Variants in ADGRB3 observed in about 807,000 individuals in gnomAD.
ADGRB3 encodes the protein brain-specific angiogenesis inhibitor 3.
Under a neutral mutation model 193.4 loss-of-function variants are expected in ADGRB3, and 37 were observed. That is an observed-to-expected ratio of 0.19 (90% CI 0.15 to 0.25). The LOEUF is 0.25. Among genes scored for constraint, ADGRB3 ranks in the 10% least tolerant of loss-of-function variants. The pLI is 1.00. For synonymous variants in ADGRB3, 690 were observed against 644.2 expected (o/e 1.07, Z -1.08); for missense variants, 1,637 against 1,852.9 (o/e 0.88, Z 2.14).
chr6:69,100,984 A>G (rs1201103616), intron 17 of ADGRB3, among the ~76,000 whole-genome samples: 1 of 85,700 alleles, frequency 1.2e-5, no homozygotes, highest in African/African-American at 4.7e-5. Context: ...GGAAGGAAGG[A>G]AGGAAGGAAG....
chr6:68,941,913 GACTT>G (rs1295460618), intron 5 of ADGRB3, among the ~76,000 whole-genome samples: 1 of 148,954 alleles, frequency 6.7e-6, no homozygotes, highest in Non-Finnish European at 1.5e-5. Flanking sequence ...GCTAAATATA[GACTT>G]ACTTTTATAT....
At chr6:68,929,685 G>C (rs1242559189) in intron 3 of ADGRB3, among the ~76,000 whole-genome samples, 1 of 152,108 alleles carries the variant, frequency 6.6e-6, no homozygotes, top group Non-Finnish European at 1.5e-5. Context: ...TCTGATTTTA[G>C]TAAAACCACT....
chr6:68,892,209 A>G (rs996528028), intron 3 of ADGRB3, among the ~76,000 whole-genome samples: 3 of 152,148 alleles, frequency 2.0e-5, no homozygotes, highest in South Asian at 2.1e-4. Flanking sequence ...ATAGTTTGGA[A>G]CATCTCCTTC....
chr6:69,309,959 C>T (rs1242732912), intron 20 of ADGRB3, among the ~76,000 whole-genome samples: 1 of 151,632 alleles, frequency 6.6e-6, no homozygotes, highest in African/African-American at 2.4e-5. Context: ...TCCCTTCCTT[C>T]TCCACCCTTC....
Position 69,178,828 on chromosome 6 carries a change from G to A in ADGRB3, c.2481-54462G>A, listed in dbSNP as rs552620728. ...TCATCTGACAAGTCTAGAGCCTAAT[G>A]AGATTTCCTTTGTAAGTGATCTGAC... On this transcript the variant is annotated intron_variant, in intron 17 of 31. Coordinates refer to ENST00000370598, the MANE Select transcript of ADGRB3 (RefSeq NM_001704.3). Among the ~76,000 whole-genome samples, 11 of 152,300 alleles carry A rather than the reference G, an allele frequency of 7.2e-5. No individual in the cohort carries two copies. In the South Asian group the frequency reaches 2.1e-3, roughly 29 times the overall value.
intron 6 of ADGRB3, among the ~76,000 whole-genome samples, chr6:68,949,259 T>C (rs1767852746): frequency 6.6e-6 from 1 of 152,094 alleles, no homozygotes; most frequent in Admixed American, 6.6e-5. Flanking sequence ...TCATACAAGC[T>C]GTGTCAGTCT....
intron 3 of ADGRB3, among the ~76,000 whole-genome samples, chr6:68,926,187 G>C (rs532451743): frequency 3.3e-5 from 5 of 152,070 alleles, no homozygotes; most frequent in African/African-American, 9.7e-5. Flanking sequence ...TTGAACTTCA[G>C]TTATGTCCAA....
At chr6:69,166,480 T>C (rs1186790357) in intron 17 of ADGRB3, among the ~76,000 whole-genome samples, 1 of 152,128 alleles carries the variant, frequency 6.6e-6, no homozygotes, top group Non-Finnish European at 1.5e-5. Flanking sequence ...AACCAATGTA[T>C]AAAATGTAGA....
At chr6:69,263,943 C>A (rs1423798363) in intron 20 of ADGRB3, among the ~76,000 whole-genome samples, 1 of 151,886 alleles carries the variant, frequency 6.6e-6, no homozygotes, top group African/African-American at 2.4e-5. Flanking sequence ...TCAATATGTT[C>A]TATATACATT....
Position 68,654,141 on chromosome 6 carries a change from G to T in ADGRB3, c.757+14709G>T, listed in dbSNP as rs542655770. Among the ~76,000 whole-genome samples, 179 of 152,136 alleles carry T rather than the reference G, an allele frequency of 1.2e-3. 1 individual carries two copies. Among genetic ancestry groups the T allele is most frequent in the African/African-American group, 4.2e-3 (175 of 41,546 alleles). ...TAACAATTTTCTTGTGAGGTTAATTGTGTAACAATAATTAACATCCCCTTT... is the reference window on the plus strand; with the variant it reads ...TAACAATTTTCTTGTGAGGTTAATTTTGTAACAATAATTAACATCCCCTTT... On this transcript the variant is annotated intron_variant, in intron 3 of 31. Coordinates refer to ENST00000370598, the MANE Select transcript of ADGRB3 (RefSeq NM_001704.3).
At chr6:68,881,586 A>T (rs933613945) in intron 3 of ADGRB3, among the ~76,000 whole-genome samples, 2 of 152,172 alleles carry the variant, frequency 1.3e-5, no homozygotes, top group African/African-American at 4.8e-5. Flanking sequence ...CATGACAAAA[A>T]TCCTAATAAA....
At chr6:69,257,504 G>A (rs1406706158) in intron 20 of ADGRB3, among the ~76,000 whole-genome samples, 1 of 152,090 alleles carries the variant, frequency 6.6e-6, no homozygotes, top group African/African-American at 2.4e-5. Flanking sequence ...GGTGTTTGTA[G>A]TATTCTCTGA....
chr6:68,783,407 T>C (rs1766898879), intron 3 of ADGRB3, among the ~76,000 whole-genome samples: 1 of 150,990 alleles, frequency 6.6e-6, no homozygotes, highest in Non-Finnish European at 1.5e-5. Context: ...GTCTAGGCTA[T>C]ACTGCAGTAG....
At chr6:69,188,530 A>T (rs1028353026) in intron 17 of ADGRB3, among the ~76,000 whole-genome samples, 6 of 152,156 alleles carry the variant, frequency 3.9e-5, no homozygotes, top group Admixed American at 6.5e-5. Flanking sequence ...GCTGGTCGTG[A>T]ACTCCTGACC....
chr6:68,728,311 A>G (rs933084044), intron 3 of ADGRB3, among the ~76,000 whole-genome samples: 2 of 151,508 alleles, frequency 1.3e-5, no homozygotes, highest in Admixed American at 6.6e-5. Context: ...CAATGTTGCA[A>G]TACATCTTTC....
At chr6:69,121,662 G>A (rs1773691901) in intron 17 of ADGRB3, among the ~76,000 whole-genome samples, 1 of 150,428 alleles carries the variant, frequency 6.6e-6, no homozygotes, top group South Asian at 2.1e-4. Context: ...CTCCCAGATG[G>A]GGCAGCCAGG....
In ADGRB3 at chr6:69,166,876, C is replaced by T. The variant is rs568978749; in HGVS notation, c.2481-66414C>T. Among the ~76,000 whole-genome samples the T allele has an allele frequency of 3.9e-5, 6 of 152,208 alleles. No individual in the cohort carries two copies. In the South Asian group the frequency reaches 1.2e-3, roughly 32 times the overall value. On this transcript the variant is annotated intron_variant, in intron 17 of 31. Coordinates refer to ENST00000370598, the MANE Select transcript of ADGRB3 (RefSeq NM_001704.3). ...TGGACTCTCAGTCAATGTTTGCTCC[C>T]TAGCTTTCTCTTTTCTATCAATGCT...
At chr6:69,318,605 G>C (rs73746001) in intron 20 of ADGRB3, among the ~76,000 whole-genome samples, 1 of 151,346 alleles carries the variant, frequency 6.6e-6, no homozygotes, top group African/African-American at 2.4e-5. Context: ...CTTTCTCTTT[G>C]ACCCGGAAAT....
chr6:68,943,854 C>T lies in ADGRB3; in HGVS notation c.1055C>T (p.Ser352Leu), dbSNP rs1456428256. ...CPVHGVWEEW[S>L]PWSLCSFTCG... Reference sequence around the variant, plus strand: ...GTACACGGAGTATGGGAGGAATGGTCACCATGGAGTTTATGTTCATTTACA... The same window carrying T: ...GTACACGGAGTATGGGAGGAATGGTTACCATGGAGTTTATGTTCATTTACA... The change falls in exon 6 of 32, where the codon TCA becomes TTA. Residue 352 changes from serine (S) to leucine (L), a missense_variant. Transcript: ENST00000370598. 1 of 1,613,202 alleles carries T rather than the reference C, an allele frequency of 6.2e-7. No homozygotes were observed. The highest frequency in any genetic ancestry group is 8.5e-7 in the Non-Finnish European group (1 of 1,179,396).
Sources: allele counts gnomAD v4.1 joint callset (sites outside exome capture counted in the v4.1 genomes callset), GRCh38; gene constraint gnomAD v4.1.1; transcripts MANE v1.5; gene names NCBI Gene and HGNC (gene_info 2026-07-23, HGNC 2026-07-21).